The following MRTFB variants were observed in gnomAD, a reference collection of about 807,000 sequenced individuals.
MRTFB encodes the protein myocardin-related transcription factor B.
A neutral mutation model predicts 104.2 loss-of-function variants in MRTFB; 29 were observed. The ratio of observed to expected loss-of-function variants is 0.28; its 90% confidence interval spans 0.21 to 0.38. The LOEUF (loss-of-function observed/expected upper bound fraction) is 0.38, where lower values mean the gene tolerates loss of function less well. Among genes scored for constraint, MRTFB ranks in the 10% least tolerant of loss-of-function variants. The probability of loss-of-function intolerance (pLI) is 1.00; values close to 1 mark genes in which losing one functional copy is unlikely to be tolerated. For missense variants in MRTFB, 1,270 were observed against 1,341.6 expected, an observed-to-expected ratio of 0.95 and a Z score of 0.83; for synonymous variants, 535 against 519.5, an observed-to-expected ratio of 1.03 and a Z score of -0.41.
chr16:14,024,584 A>G, the MRTFB span, among the ~76,000 whole-genome samples: 2 of 152,340 alleles, frequency 1.3e-5, no homozygotes, highest in East Asian at 3.9e-4. Context: ...TGCATTGGCA[A>G]TTAGACCCAA....
the MRTFB span, among the ~76,000 whole-genome samples, chr16:14,030,784 C>T: frequency 7.4e-4 from 113 of 152,120 alleles, no homozygotes; most frequent in Non-Finnish European, 1.4e-3. Flanking sequence ...TAGTGGAACC[C>T]GGAGCCACTG....
intron 3 of MRTFB, among the ~76,000 whole-genome samples, chr16:14,183,242 A>G (rs570263683): frequency 6.6e-6 from 1 of 152,306 alleles, no homozygotes; most frequent in East Asian, 1.9e-4. Flanking sequence ...CCAGAACCTA[A>G]TCCTAAGGAC....
intron 2 of MRTFB, among the ~76,000 whole-genome samples, chr16:14,129,484 T>A (rs1419181744): frequency 6.6e-6 from 1 of 152,240 alleles, no homozygotes; most frequent in African/African-American, 2.4e-5. Flanking sequence ...TTTGGCTCTT[T>A]TGAATAATGC....
At chr16:14,017,201 C>T in the MRTFB span, among the ~76,000 whole-genome samples, 117 of 151,918 alleles carry the variant, frequency 7.7e-4, 1 homozygote, top group East Asian at 0.011. Flanking sequence ...GGACTACAGG[C>T]GCCCGCCACC....
At chr16:14,058,717 T>TTG in the MRTFB span, among the ~76,000 whole-genome samples, 3 of 128,686 alleles carry the variant, frequency 2.3e-5, no homozygotes, top group African/African-American at 1.0e-4. Context: ...TATTTGTTTT[T>TTG]TTTTTTTTTT....
At chr16:14,083,525 A>G (rs2034526926) in intron 2 of MRTFB, among the ~76,000 whole-genome samples, 1 of 152,124 alleles carries the variant, frequency 6.6e-6, no homozygotes, top group Non-Finnish European at 1.5e-5. Context: ...TCTTCTGGGT[A>G]CTGGGTTTTA....
chr16:14,165,261 T>G (rs1166293426), intron 3 of MRTFB, among the ~76,000 whole-genome samples: 2 of 152,100 alleles, frequency 1.3e-5, no homozygotes, highest in Non-Finnish European at 2.9e-5. Context: ...GAGATGTGAC[T>G]TCTGATTTGT....
At chr16:14,146,538 C>G (rs923709359) in intron 3 of MRTFB, among the ~76,000 whole-genome samples, 4 of 152,144 alleles carry the variant, frequency 2.6e-5, no homozygotes, top group African/African-American at 9.7e-5. Flanking sequence ...GTTTGCTGCA[C>G]ACAAGAGAAC....
chr16:14,166,589 G>A (rs1414468099), intron 3 of MRTFB, among the ~76,000 whole-genome samples: 1 of 152,068 alleles, frequency 6.6e-6, no homozygotes, highest in South Asian at 2.1e-4. Flanking sequence ...GTGGTTTGCT[G>A]CACCTGTCAA....
chr16:14,105,877 T>A lies in MRTFB; in HGVS notation c.-64+26523T>A, dbSNP rs544804211. On this transcript the variant is annotated intron_variant, in intron 2 of 16. Transcript: ENST00000571589. ...ACACTAAGAACAAAAAGCAAGTGAT[T>A]GTGAAGTATTTCAGTGGGTTGAACC... is the stretch of plus-strand genomic sequence containing the variant. Among the ~76,000 whole-genome samples, 5 of 152,330 alleles carry A rather than the reference T, an allele frequency of 3.3e-5. No individual in the cohort carries two copies. The South Asian group carries it at 1.0e-3, about 32-fold the overall frequency.
chr16:14,243,938 C>T (rs998564944), intron 10 of MRTFB, among the ~76,000 whole-genome samples: 3 of 147,138 alleles, frequency 2.0e-5, no homozygotes, highest in African/African-American at 7.8e-5. Flanking sequence ...CGGCTCACTG[C>T]AAGCTCTGCC....
chr16:14,036,305 TA>T, the MRTFB span, among the ~76,000 whole-genome samples: 1 of 129,158 alleles, frequency 7.7e-6, no homozygotes, highest in Admixed American at 9.0e-5. Context: ...TTTATATATA[TA>T]TATATATATA....
chr16:14,233,705 G>T (rs1434321056), intron 8 of MRTFB, among the ~76,000 whole-genome samples: 1 of 146,474 alleles, frequency 6.8e-6, no homozygotes, highest in Non-Finnish European at 1.5e-5. Context: ...CTGGAGAATT[G>T]CTTGAACCCA....
chr16:14,218,870 G>A lies in MRTFB; in HGVS notation c.565G>A (p.Glu189Lys). Reference sequence around the variant, plus strand: ...CACTCAGGGCGATTTCTCATTTGATGAAGACAGCAGTGACGCTTTGTCTCC... The same window carrying A: ...CACTCAGGGCGATTTCTCATTTGATAAAGACAGCAGTGACGCTTTGTCTCC... The part of the protein sequence containing the change: ...PHTQGDFSFD[E>K]DSSDALSPDQ... Residue 189 changes from glutamate (E) to lysine (K), a missense_variant, in exon 8 of 17, where the codon GAA (glutamate) becomes AAA (lysine). By Grantham distance (56) the Glu-to-Lys change is moderately conservative (BLOSUM62 1). Coordinates refer to ENST00000571589, the MANE Select transcript of MRTFB (RefSeq NM_001308142.2). The A allele has an allele frequency of 6.2e-7, 1 of 1,613,632 alleles. No individual in the cohort carries two copies. Among genetic ancestry groups the A allele is most frequent in the African/African-American group, 1.3e-5 (1 of 75,024 alleles).
chr16:14,113,799 G>T (rs2142193784), intron 2 of MRTFB, among the ~76,000 whole-genome samples: 1 of 152,256 alleles, frequency 6.6e-6, no homozygotes, highest in South Asian at 2.1e-4. Flanking sequence ...CACAAAGAAA[G>T]TAGCAGTTAT....
chr16:14,090,947 T>C (rs2035025444), intron 2 of MRTFB, among the ~76,000 whole-genome samples: 1 of 149,434 alleles, frequency 6.7e-6, no homozygotes, highest in Non-Finnish European at 1.5e-5. Flanking sequence ...CAGCATAAAA[T>C]AGGAGGCAAG....
At chr16:14,111,155 G>A (rs528978559) in intron 2 of MRTFB, among the ~76,000 whole-genome samples, 171 of 152,254 alleles carry the variant, frequency 1.1e-3, no homozygotes, top group Middle Eastern at 6.8e-3. Context: ...GAAATTGAGA[G>A]GTAAAAAGAG....
chr16:14,211,235 AG>A (rs2041177567), intron 4 of MRTFB, among the ~76,000 whole-genome samples: 2 of 152,206 alleles, frequency 1.3e-5, no homozygotes, highest in South Asian at 4.2e-4. Flanking sequence ...GATAGGCAAA[AG>A]GTGCTTTGAT....
chr16:13,999,308 T>G, the MRTFB span, among the ~76,000 whole-genome samples: 1 of 152,008 alleles, frequency 6.6e-6, no homozygotes, highest in Non-Finnish European at 1.5e-5. Flanking sequence ...GCTCAGCATA[T>G]TTCTTTCCTT....
Sources: allele counts gnomAD v4.1 joint callset (sites outside exome capture counted in the v4.1 genomes callset), GRCh38; gene constraint gnomAD v4.1.1; transcripts MANE v1.5; gene names NCBI Gene and HGNC (gene_info 2026-07-23, HGNC 2026-07-21).